PABPC1: variants seen among roughly 807,000 people sequenced by gnomAD.
PABPC1 encodes the protein polyadenylate-binding protein 1.
PABPC1 carries 4 observed loss-of-function variants against 74.0 expected under a neutral mutation model. The ratio of observed to expected loss-of-function variants is 0.05; its 90% CI spans 0.03 to 0.12. The LOEUF is 0.12. Ranked by LOEUF, PABPC1 falls within the 10% of genes least tolerant of loss-of-function variation. The probability of loss-of-function intolerance (pLI) is 1.00; values close to 1 mark genes in which losing one functional copy is unlikely to be tolerated. For missense variants in PABPC1, 271 were observed against 821.1 expected (o/e 0.33, Z 8.19); for synonymous variants, 227 against 264.1 (o/e 0.86, Z 1.36).
intron 3 of PABPC1, among the ~76,000 whole-genome samples, chr8:100,715,840 T>C (rs544489199): frequency 1.1e-4 from 17 of 152,286 alleles, no homozygotes; most frequent in African/African-American, 3.1e-4. Context: ...TTCTCTTCTC[T>C]AGCTAACCTA....
At chr8:100,710,957 A>G (rs556316526) in intron 7 of PABPC1, among the ~76,000 whole-genome samples, 1 of 151,736 alleles carries the variant, frequency 6.6e-6, no homozygotes, top group Admixed American at 6.6e-5. Flanking sequence ...ACTTCACTCC[A>G]TCTCAAAAAA....
intron 7 of PABPC1, among the ~76,000 whole-genome samples, chr8:100,710,093 C>T (rs1269925618): frequency 6.6e-6 from 1 of 152,112 alleles, no homozygotes; most frequent in Non-Finnish European, 1.5e-5. Context: ...GAAGCATTTC[C>T]CAATTAAATT....
intron 3 of PABPC1, 45 bp from the exon 4 acceptor site, chr8:100,715,646 A>T (rs1377631324): frequency 1.4e-6 from 2 of 1,435,174 alleles, no homozygotes; most frequent in Admixed American, 4.0e-5. Context: ...CTATTTTATA[A>T]AGTTCAGATT....
intron 1 of PABPC1, 76 bp from the exon 2 acceptor site, chr8:100,718,356 T>G: frequency 1.7e-6 from 2 of 1,161,406 alleles, no homozygotes; most frequent in Non-Finnish European, 2.5e-6. Context: ...TAAACTATGG[T>G]GACTGGAGTG....
chr8:100,717,670 G>T, intron 3 of PABPC1, 103 bp downstream of exon 3: 1 of 678,674 alleles, frequency 1.5e-6, no homozygotes, highest in Non-Finnish European at 2.5e-6. Context: ...TTTATCTTAT[G>T]TGCATCTAAC....
At chr8:100,707,514 G>A (rs1305166959) in intron 9 of PABPC1, among the ~76,000 whole-genome samples, 2 of 152,242 alleles carry the variant, frequency 1.3e-5, no homozygotes, top group Non-Finnish European at 2.9e-5. Flanking sequence ...AGAGGGAGAG[G>A]AGACAGAGAG....
chr8:100,708,307 T>C (rs1428953518), intron 9 of PABPC1, among the ~76,000 whole-genome samples: 2 of 152,168 alleles, frequency 1.3e-5, no homozygotes, highest in Admixed American at 6.5e-5. Flanking sequence ...ATTTAAAAAA[T>C]TAGCTGGGCG....
intron 13 of PABPC1, among the ~76,000 whole-genome samples, chr8:100,704,692 T>C (rs1237282848): frequency 2.0e-5 from 3 of 152,248 alleles, no homozygotes. Flanking sequence ...TGATGGGATT[T>C]GAAGCCAGGC....
At chr8:100,706,488 T>C (rs1322599629) in intron 11 of PABPC1, among the ~76,000 whole-genome samples, 163 bp downstream of exon 11, 1 of 152,112 alleles carries the variant, frequency 6.6e-6, no homozygotes, top group East Asian at 1.9e-4. Context: ...GGGTCCTGTA[T>C]GTTGCCCAGG....
At chr8:100,717,745 T>C (rs755204280) in intron 3 of PABPC1, 28 bp downstream of exon 3, 1 of 1,277,412 alleles carries the variant, frequency 7.8e-7, no homozygotes, top group Admixed American at 1.9e-5. Context: ...AGATTCAAAA[T>C]ATGATTAGCT....
At chr8:100,706,148 C>G (rs1007642322) in intron 11 of PABPC1, among the ~76,000 whole-genome samples, 3 of 152,022 alleles carry the variant, frequency 2.0e-5, no homozygotes, top group Non-Finnish European at 4.4e-5. Flanking sequence ...CACGCCTGGC[C>G]CATAGCTACT....
chr8:100,717,720 GAATT>G (rs1439772845), intron 3 of PABPC1, 49 bp downstream of exon 3: 1 of 1,073,434 alleles, frequency 9.3e-7, no homozygotes, highest in Non-Finnish European at 1.4e-6. Flanking sequence ...AATGGATTTG[GAATT>G]ATTAAAAATA....
intron 1 of PABPC1, among the ~76,000 whole-genome samples, chr8:100,720,459 A>T (rs1053953211): frequency 7.2e-5 from 11 of 152,234 alleles, no homozygotes; most frequent in Non-Finnish European, 2.9e-5. Flanking sequence ...CATGCTACAG[A>T]TAAGACTGGT....
rs997675521 is a variant in PABPC1, at chr8:100,721,966, A to AT, written c.-384dup. On this transcript the variant is annotated 5_prime_UTR_variant, in exon 1 of 15. Coordinates refer to ENST00000318607, the MANE Select transcript of PABPC1 (RefSeq NM_002568.4). The surrounding 1 kb of genome is among the most constrained non-coding windows in gnomAD (Gnocchi z 7.4). ...CGGGGGAGACGCGGATTTTTTGTAA[A>AT]TTTTTTTGGGGTTTTTTAAAAGATT... The AT allele has an allele frequency of 1.1e-5, 2 of 183,164 alleles. No homozygotes were observed. Among genetic ancestry groups the AT allele is most frequent in the Non-Finnish European group, 2.3e-5 (2 of 88,580 alleles). The allele number at this position is 183,164 out of a possible 1,614,324, so 11.3% of individuals were successfully genotyped here. A position where few individuals can be genotyped will look rare whatever the true frequency, so the allele number is the denominator to read the frequency against.
intron 3 of PABPC1, among the ~76,000 whole-genome samples, chr8:100,716,491 C>T (rs1041482139): frequency 4.0e-4 from 61 of 152,132 alleles, no homozygotes; most frequent in African/African-American, 1.3e-3. Context: ...AAGGAAAAAC[C>T]ATCTTACATA....
At chr8:100,708,130 C>T (rs759400848) in intron 9 of PABPC1, among the ~76,000 whole-genome samples, 6 of 152,222 alleles carry the variant, frequency 3.9e-5, no homozygotes, top group African/African-American at 1.2e-4. Context: ...TATAACTATT[C>T]TTATTTTATA....
intron 9 of PABPC1, among the ~76,000 whole-genome samples, chr8:100,708,898 A>AATAAATAC (rs1156937929): frequency 1.3e-5 from 2 of 151,860 alleles, no homozygotes; most frequent in African/African-American, 4.8e-5. Flanking sequence ...TAAATAAATA[A>AATAAATAC]ATAAATAAAA....
intron 13 of PABPC1, 102 bp from the exon 14 acceptor site, chr8:100,704,492 C>G (rs1810330129): frequency 1.0e-6 from 1 of 998,600 alleles, no homozygotes; most frequent in Non-Finnish European, 1.6e-6. Flanking sequence ...AGTTTCTTCC[C>G]TCAAATGAAA....
At chr8:100,704,272 C>T (rs1810323723) in intron 14 of PABPC1, 25 bp downstream of exon 14, 2 of 1,567,378 alleles carry the variant, frequency 1.3e-6, no homozygotes, top group Non-Finnish European at 1.8e-6. Flanking sequence ...AAGCTTAAAA[C>T]AACAAACCAG....
Sources: gnomAD v4.1 joint callset for allele counts (sites outside exome capture counted in the v4.1 genomes callset) on GRCh38, gnomAD v4.1.1 for gene constraint, Gnocchi (gnomAD v3.1) non-coding constraint, MANE v1.5 for transcripts, NCBI Gene and HGNC (gene_info 2026-07-23, HGNC 2026-07-21) for gene names.